Variants in RPTOR observed in about 807,000 individuals in gnomAD.
RPTOR encodes regulatory-associated protein of mTOR.
In RPTOR, 21 loss-of-function variants were observed where a neutral mutation model predicts 169.9. The ratio of observed to expected loss-of-function variants is 0.12; its 90% CI spans 0.09 to 0.18. The LOEUF (loss-of-function observed/expected upper bound fraction) is 0.18. Ranked by LOEUF, RPTOR falls within the 10% of genes least tolerant of loss-of-function variation. The probability of loss-of-function intolerance (pLI) is 1.00; values close to 1 mark genes in which losing one functional copy is unlikely to be tolerated. For synonymous variants in RPTOR, 732 were observed against 753.2 expected, an observed-to-expected ratio of 0.97 and a Z score of 0.46; for missense variants, 1,133 against 1,855.9, an observed-to-expected ratio of 0.61 and a Z score of 7.16.
intron 21 of RPTOR, among the ~76,000 whole-genome samples, chr17:80,916,545 C>T (rs2068675495): frequency 6.6e-6 from 1 of 152,258 alleles, no homozygotes; most frequent in Non-Finnish European, 1.5e-5. Context: ...CCAAGCGCAG[C>T]CTGCCAGGCT....
At chr17:80,733,503 T>C (rs1278068553) in intron 5 of RPTOR, among the ~76,000 whole-genome samples, 1 of 152,204 alleles carries the variant, frequency 6.6e-6, no homozygotes, top group Non-Finnish European at 1.5e-5. Flanking sequence ...TGTTTCCATT[T>C]CTAGTTCTTC....
intron 28 of RPTOR, among the ~76,000 whole-genome samples, chr17:80,955,325 A>T (rs1385040373): frequency 6.6e-6 from 1 of 152,264 alleles, no homozygotes; most frequent in Non-Finnish European, 1.5e-5. Context: ...ACCTCTGCGC[A>T]CTAGGGAAGG....
intron 3 of RPTOR, among the ~76,000 whole-genome samples, chr17:80,673,909 T>G (rs1281441621): frequency 6.6e-6 from 1 of 152,264 alleles, no homozygotes; most frequent in Non-Finnish European, 1.5e-5. Flanking sequence ...TTGTCAGTCC[T>G]CTTCACTTAG....
At chr17:80,898,763 C>T (rs1017755145) in intron 20 of RPTOR, among the ~76,000 whole-genome samples, 10 of 150,094 alleles carry the variant, frequency 6.7e-5, no homozygotes, top group African/African-American at 2.0e-4. Flanking sequence ...CTCACCCCGC[C>T]GTCTCCGTCT....
At chr17:80,931,404 C>T (rs2068895512) in intron 24 of RPTOR, among the ~76,000 whole-genome samples, 1 of 152,156 alleles carries the variant, frequency 6.6e-6, no homozygotes, top group Non-Finnish European at 1.5e-5. Context: ...CAGTGGTTTG[C>T]GCAAGGCTAA....
At chr17:80,740,564 A>G (rs1230440783) in intron 5 of RPTOR, among the ~76,000 whole-genome samples, 2 of 152,250 alleles carry the variant, frequency 1.3e-5, no homozygotes, top group East Asian at 3.8e-4. Context: ...TATAAAAGGA[A>G]TTATACGCTG....
At chr17:80,808,526 G>A (rs117933497) in intron 7 of RPTOR, among the ~76,000 whole-genome samples, 367 of 152,278 alleles carry the variant, frequency 2.4e-3, no homozygotes, top group Non-Finnish European at 4.0e-3. Context: ...TTGTTTTCAC[G>A]TTTTCAAATC....
intron 13 of RPTOR, among the ~76,000 whole-genome samples, chr17:80,870,884 C>G (rs2068044797): frequency 6.6e-6 from 1 of 152,188 alleles, no homozygotes; most frequent in South Asian, 2.1e-4. Flanking sequence ...AGTCAATGAA[C>G]TTATGTTGAT....
At position 80,823,313 on chromosome 17, in the gene RPTOR, G is replaced by A. The variant is rs1042257505; in HGVS notation, c.1136+90G>A. 3 of 1,508,898 alleles carry A rather than the reference G, an allele frequency of 2.0e-6. No homozygotes were observed. Among genetic ancestry groups the A allele is most frequent in the Non-Finnish European group, 2.7e-6 (3 of 1,119,656 alleles). The allele number at this position is 1,508,898 out of a possible 1,614,324, so 93.5% of individuals were successfully genotyped here. On this transcript the variant is annotated intron_variant, in intron 9 of 33. Transcript: ENST00000306801. This position sits in a 1 kb window ranked among gnomAD's most constrained non-coding sequence, Gnocchi z 4.5. ...GAATTGCACGGAGCTGGGCAGGGAG[G>A]CCCCACACCTAACTTGGGGACCCCG...
At chr17:80,720,368 G>T (rs561640430) in intron 4 of RPTOR, among the ~76,000 whole-genome samples, 2 of 152,192 alleles carry the variant, frequency 1.3e-5, no homozygotes, top group East Asian at 3.9e-4. Context: ...TTTAAAAAGT[G>T]ATATTTATGT....
At chr17:80,926,353 T>C (rs2068811684) in intron 24 of RPTOR, among the ~76,000 whole-genome samples, 1 of 152,170 alleles carries the variant, frequency 6.6e-6, no homozygotes, top group Non-Finnish European at 1.5e-5. Context: ...GGAGTTCGCC[T>C]CCCTCTTCTC....
intron 17 of RPTOR, among the ~76,000 whole-genome samples, chr17:80,886,519 G>T (rs1188329864): frequency 1.3e-5 from 2 of 152,186 alleles, no homozygotes; most frequent in Non-Finnish European, 1.5e-5. Flanking sequence ...GCAAATCAGC[G>T]GTTTGTCTGC....
At position 80,884,437 on chromosome 17, in the gene RPTOR, C is replaced by T. The variant is rs532082126; in HGVS notation, c.1842+465C>T. ...GCACCATTGCCTTCACTCTTCCCAC[C>T]GGCCTGTGCAGTGCACAGGGTGTTG... is the stretch of plus-strand genomic sequence containing the variant. On this transcript the variant is annotated intron_variant, in intron 16 of 33. Transcript: ENST00000306801. Among the ~76,000 whole-genome samples, 16 of 152,316 alleles carry T rather than the reference C, an allele frequency of 1.1e-4. No homozygotes were observed. The South Asian group carries it at 1.2e-3, about 12-fold the overall frequency.
intron 1 of RPTOR, among the ~76,000 whole-genome samples, chr17:80,581,784 G>C (rs991079345): frequency 5.3e-5 from 8 of 152,246 alleles, no homozygotes; most frequent in African/African-American, 1.9e-4. Context: ...GTGGATCCCT[G>C]TTATTCTCTG....
At chr17:80,733,895 G>A (rs1379744075) in intron 5 of RPTOR, among the ~76,000 whole-genome samples, 1 of 152,148 alleles carries the variant, frequency 6.6e-6, no homozygotes, top group African/African-American at 2.4e-5. Flanking sequence ...AGTTTTATCA[G>A]TAATAGCTCA....
intron 21 of RPTOR, among the ~76,000 whole-genome samples, chr17:80,916,397 C>T (rs1384946811): frequency 3.3e-5 from 5 of 152,246 alleles, no homozygotes; most frequent in Non-Finnish European, 7.3e-5. Flanking sequence ...CATGCCAGTG[C>T]CTAGAGCTGC....
In RPTOR at chr17:80,721,056, C is replaced by T. The variant is rs1226114239; in HGVS notation, c.508-9504C>T. 2.6e-5 allele frequency among the ~76,000 whole-genome samples: 4 copies of T among 150,988 alleles called. No homozygotes were observed. The highest frequency in any genetic ancestry group is 2.1e-4 in the South Asian group (1 of 4,826). On this transcript the variant is annotated intron_variant, in intron 4 of 33. Transcript: ENST00000306801. This position sits in a 1 kb window ranked among gnomAD's most constrained non-coding sequence, Gnocchi z 4.7. Reference sequence around the variant, plus strand: ...CAGTCCCGGGTAAACACCAAGGCCTCGTGGGAGGCACCTAGGAGGTGAGGA... The same window carrying T: ...CAGTCCCGGGTAAACACCAAGGCCTTGTGGGAGGCACCTAGGAGGTGAGGA...
chr17:80,630,718 A>T (rs923293239), intron 2 of RPTOR, among the ~76,000 whole-genome samples: 1 of 152,206 alleles, frequency 6.6e-6, no homozygotes, highest in Admixed American at 6.5e-5. Context: ...GTGGACACAT[A>T]AAGCTGACCA....
In RPTOR at chr17:80,828,051, C is replaced by T. The variant is rs146374503; in HGVS notation, c.1136+4828C>T. ...TACGTGCATGAGCTTCTGTTTCAGGCGCATCCCTGGGACAGGAGTGCACCC... is the reference window on the plus strand; with the variant it reads ...TACGTGCATGAGCTTCTGTTTCAGGTGCATCCCTGGGACAGGAGTGCACCC... On this transcript the variant is annotated intron_variant, in intron 9 of 33. Coordinates refer to ENST00000306801, the MANE Select transcript of RPTOR (RefSeq NM_020761.3). Among the ~76,000 whole-genome samples, 12 of 152,220 alleles carry T rather than the reference C, an allele frequency of 7.9e-5. No individual in the cohort carries two copies. The East Asian group carries it at 2.1e-3, about 27-fold the overall frequency.
Sources: gnomAD v4.1 joint callset for allele counts (sites outside exome capture counted in the v4.1 genomes callset) on GRCh38, gnomAD v4.1.1 for gene constraint, Gnocchi (gnomAD v3.1) non-coding constraint, MANE v1.5 for transcripts, NCBI Gene and HGNC (gene_info 2026-07-23, HGNC 2026-07-21) for gene names.